The following SGPL1 variants were observed in gnomAD, a reference collection of about 807,000 sequenced individuals.
The protein encoded by SGPL1 is SP-lyase 1.
A neutral mutation model predicts 68.9 loss-of-function variants in SGPL1; 37 were observed. That is an observed-to-expected ratio of 0.54 (90% CI 0.41 to 0.71). The LOEUF is 0.71. Among genes scored for constraint, SGPL1 ranks in the 30% least tolerant of loss-of-function variants. SGPL1 has a pLI of 0.00. For synonymous variants in SGPL1, 236 were observed against 248.5 expected (o/e 0.95, Z 0.47); for missense variants, 551 against 704.6 (o/e 0.78, Z 2.47).
intron 2 of SGPL1, among the ~76,000 whole-genome samples, chr10:70,834,330 A>G (rs1845591173): frequency 1.3e-5 from 2 of 152,148 alleles, no homozygotes; most frequent in Non-Finnish European, 2.9e-5. Flanking sequence ...TATGGAAAGA[A>G]TATTGAAGAA....
At chr10:70,851,417 G>A (rs1016746894) in intron 4 of SGPL1, among the ~76,000 whole-genome samples, 2 of 146,468 alleles carry the variant, frequency 1.4e-5, no homozygotes, top group African/African-American at 4.9e-5. Context: ...GTCCAGAAAT[G>A]CTGCTAAACA....
chr10:70,875,905 G>A (rs1268430057), intron 13 of SGPL1, among the ~76,000 whole-genome samples: 1 of 152,116 alleles, frequency 6.6e-6, no homozygotes, highest in Admixed American at 6.6e-5. Context: ...CTTCCTGGGG[G>A]TCTCTAATCA....
intron 2 of SGPL1, among the ~76,000 whole-genome samples, chr10:70,825,906 G>A (rs990465130): frequency 2.0e-5 from 3 of 152,170 alleles, no homozygotes; most frequent in Admixed American, 1.3e-4. Context: ...AACTGGCCTG[G>A]CGCGGTGGCT....
At chr10:70,819,922 G>T (rs1211492194) in intron 2 of SGPL1, among the ~76,000 whole-genome samples, 1 of 152,168 alleles carries the variant, frequency 6.6e-6, no homozygotes, top group Middle Eastern at 3.2e-3. Context: ...ACAGGCATGA[G>T]CCACTGTACC....
At chr10:70,837,042 T>C (rs918459669) in intron 2 of SGPL1, among the ~76,000 whole-genome samples, 2 of 151,730 alleles carry the variant, frequency 1.3e-5, no homozygotes, top group Non-Finnish European at 2.9e-5. Flanking sequence ...TTTTATAAAA[T>C]AAATTTATTT....
chr10:70,877,156 C>T (rs748073044), intron 14 of SGPL1, 39 bp from the exon 15 acceptor site: 2 of 1,609,156 alleles, frequency 1.2e-6, no homozygotes, highest in Non-Finnish European at 1.7e-6. Context: ...GCTTTTGGAC[C>T]TGGCCTCACT....
chr10:70,876,515 A>G (rs900429475), intron 13 of SGPL1, 26 bp from the exon 14 acceptor site: 5 of 1,591,620 alleles, frequency 3.1e-6, no homozygotes, highest in African/African-American at 1.4e-5. Context: ...TTCAAGGTTC[A>G]TCTCTCTCTG....
At chr10:70,819,617 T>G (rs1402854497) in intron 2 of SGPL1, among the ~76,000 whole-genome samples, 1 of 148,866 alleles carries the variant, frequency 6.7e-6, no homozygotes, top group Non-Finnish European at 1.5e-5. Flanking sequence ...TTAGAAGTCA[T>G]GGGATGCAGC....
chr10:70,837,686 C>G (rs1449990067), intron 2 of SGPL1, among the ~76,000 whole-genome samples: 1 of 152,188 alleles, frequency 6.6e-6, no homozygotes. Context: ...TGGTAGATAG[C>G]TCTGAGGGAC....
chr10:70,871,355 A>G (rs1846292383), intron 10 of SGPL1, among the ~76,000 whole-genome samples: 1 of 152,166 alleles, frequency 6.6e-6, no homozygotes, highest in Non-Finnish European at 1.5e-5. Flanking sequence ...AAGATAGTAC[A>G]AGGCTGAGGC....
intron 2 of SGPL1, among the ~76,000 whole-genome samples, chr10:70,833,740 G>A (rs553693750): frequency 3.9e-5 from 6 of 152,124 alleles, no homozygotes; most frequent in Non-Finnish European, 8.8e-5. Context: ...TCCCTAGGCT[G>A]AGGCTTAGTC....
chr10:70,875,796 C>G (rs917795732), intron 13 of SGPL1, among the ~76,000 whole-genome samples: 1 of 152,208 alleles, frequency 6.6e-6, no homozygotes, highest in South Asian at 2.1e-4. Flanking sequence ...AGGTTTTTCT[C>G]TCAGTCTCTA....
Position 70,835,150 on chromosome 10 carries a change from CATA to C in SGPL1, c.28-9320_28-9318del, listed in dbSNP as rs1311864696. Among the ~76,000 whole-genome samples, 8 of 152,284 alleles carry C rather than the reference CATA, an allele frequency of 5.3e-5. No homozygotes were observed. The East Asian group carries it at 1.4e-3, about 26-fold the overall frequency. Reference sequence around the variant, plus strand: ...AAACTGTCAAAAGTATAGGCAATATCATAATTACTTTATTTGAATAAACGTTGA... The same window carrying C: ...AAACTGTCAAAAGTATAGGCAATATCATTACTTTATTTGAATAAACGTTGA... On this transcript the variant is annotated intron_variant, in intron 2 of 14. Transcript: ENST00000373202.
chr10:70,850,292 G>A (rs1009842687), intron 3 of SGPL1, among the ~76,000 whole-genome samples: 9 of 152,186 alleles, frequency 5.9e-5, no homozygotes, highest in African/African-American at 1.9e-4. Flanking sequence ...TGGGATTAGA[G>A]GTGTGAGCCA....
chr10:70,829,061 ACT>A (rs1207041585), intron 2 of SGPL1, among the ~76,000 whole-genome samples: 2 of 151,898 alleles, frequency 1.3e-5, no homozygotes, highest in Non-Finnish European at 2.9e-5. Flanking sequence ...AAAGCCTAAG[ACT>A]CTGTTACCCA....
At chr10:70,866,287 TGAG>T (rs1467715283) in intron 7 of SGPL1, 1 of 151,792 alleles carries the variant, frequency 6.6e-6, no homozygotes, top group Admixed American at 6.6e-5. Context: ...CTTTGGGGGA[TGAG>T]GTGGGAGGAT....
At chr10:70,824,967 TC>T (rs1452609185) in intron 2 of SGPL1, among the ~76,000 whole-genome samples, 4 of 23,782 alleles carry the variant, frequency 1.7e-4, no homozygotes, top group East Asian at 2.9e-3. Flanking sequence ...TTGTTTTTTC[TC>T]TTTTTTTTTT....
chr10:70,860,298 CTCA>C, intron 7 of SGPL1: 1 of 447,052 alleles, frequency 2.2e-6, no homozygotes, highest in South Asian at 1.7e-5. Context: ...CTATCAGATA[CTCA>C]TCATATTTGC....
At chr10:70,838,772 G>T (rs933732257) in intron 2 of SGPL1, among the ~76,000 whole-genome samples, 1 of 152,172 alleles carries the variant, frequency 6.6e-6, no homozygotes, top group Non-Finnish European at 1.5e-5. Context: ...AGAAATGTGA[G>T]TACATTACAA....
Sources: allele counts gnomAD v4.1 joint callset (sites outside exome capture counted in the v4.1 genomes callset), GRCh38; gene constraint gnomAD v4.1.1; transcripts MANE v1.5; gene names NCBI Gene and HGNC (gene_info 2026-07-23, HGNC 2026-07-21).